Variants in UPF3A observed in about 807,000 individuals in gnomAD.
UPF3A encodes UPF3A regulator of nonsense mediated mRNA decay, also known as regulator of nonsense transcripts 3A.
UPF3A carries 42 observed loss-of-function variants against 53.5 expected under a neutral mutation model. The ratio of observed to expected loss-of-function variants is 0.78; its 90% CI spans 0.61 to 1.01. The LOEUF is 1.01. Ranked by LOEUF, UPF3A falls within the 50% of genes least tolerant of loss-of-function variation. The probability of loss-of-function intolerance (pLI) is 0.00; values close to 1 mark genes in which losing one functional copy is unlikely to be tolerated. For missense variants in UPF3A, 575 were observed against 598.0 expected (o/e 0.96, Z 0.40); for synonymous variants, 237 against 225.3 (o/e 1.05, Z -0.47).
At chr13:114,298,483 T>A (rs541800213) in intron 7 of UPF3A, among the ~76,000 whole-genome samples, 6 of 152,196 alleles carry the variant, frequency 3.9e-5, no homozygotes, top group Admixed American at 1.3e-4. Flanking sequence ...GAGGCTGCAG[T>A]GAGCCGGGAG....
At chr13:114,295,267 G>A (rs1347367309) in intron 7 of UPF3A, among the ~76,000 whole-genome samples, 1 of 152,202 alleles carries the variant, frequency 6.6e-6, no homozygotes, top group Non-Finnish European at 1.5e-5. Context: ...CATGCGCTCC[G>A]CTTGGCCTCC....
In UPF3A at chr13:114,304,886, C is replaced by G. The variant is rs369708380; in HGVS notation, c.1400C>G (p.Thr467Ser). The G allele has an allele frequency of 5.0e-6, 8 of 1,613,576 alleles. No individual in the cohort carries two copies. The highest frequency in any genetic ancestry group is 6.8e-6 in the Non-Finnish European group (8 of 1,179,758). The change falls in exon 10 of 10, where the codon ACT (threonine) becomes AGT (serine). Residue 467 changes from threonine (T) to serine (S), a missense_variant. By Grantham distance (58) the Thr-to-Ser change is moderately conservative. Transcript: ENST00000375299. ...RRICKAEGSG[T>S]GPEKREEAE ...ATCTGCAAGGCAGAAGGTTCGGGGACTGGTCCTGAGAAGAGGGAAGAGGCA... is the reference window on the plus strand; with the variant it reads ...ATCTGCAAGGCAGAAGGTTCGGGGAGTGGTCCTGAGAAGAGGGAAGAGGCA...
At position 114,305,170 on chromosome 13, in the gene UPF3A, A is replaced by G; in HGVS notation, c.*253A>G. The G allele has an allele frequency of 2.3e-6, 1 of 427,114 alleles. No individual in the cohort carries two copies. The highest frequency in any genetic ancestry group is 4.4e-6 in the Non-Finnish European group (1 of 227,474). 26.5% of individuals were successfully genotyped at this position (427,114 alleles called of 1,614,324 possible). Reference sequence around the variant, plus strand: ...ATTTGTTGTTTAGCCAAAACAGAAAATGATTTCCACTGGACAGTAGAAAAA... The same window carrying G: ...ATTTGTTGTTTAGCCAAAACAGAAAGTGATTTCCACTGGACAGTAGAAAAA... On this transcript the variant is annotated 3_prime_UTR_variant, in exon 10 of 10. Transcript: ENST00000375299.
At position 114,286,589 on chromosome 13, in the gene UPF3A, T is replaced by A. The variant is rs144763337; in HGVS notation, c.591T>A (p.Thr197=). The A allele has an allele frequency of 2.0e-5, 33 of 1,613,808 alleles. No homozygotes were observed. The highest frequency in any genetic ancestry group is 2.5e-5 in the Non-Finnish European group (30 of 1,179,840). Residue 197 remains threonine (T), a synonymous_variant, in exon 5 of 10, where the codon ACT becomes ACA. Coordinates refer to ENST00000375299, the MANE Select transcript of UPF3A (RefSeq NM_023011.4). Reference sequence around the variant, plus strand: ...AGAAGACCAGTGCCAACCCTGAGACTCTGCTGGGGGAGATGGAGGCGAAGA... The same window carrying A: ...AGAAGACCAGTGCCAACCCTGAGACACTGCTGGGGGAGATGGAGGCGAAGA... ...EEEKTSANPE[T]LLGEMEAKTR...
At chr13:114,302,602 G>C (rs1385047514) in intron 9 of UPF3A, among the ~76,000 whole-genome samples, 1 of 152,172 alleles carries the variant, frequency 6.6e-6, no homozygotes, top group Non-Finnish European at 1.5e-5. Flanking sequence ...GCTGCCTAGG[G>C]TTCCAGTTCC....
chr13:114,286,864 GTT>G, intron 5 of UPF3A: 1 of 509,532 alleles, frequency 2.0e-6, no homozygotes, highest in Non-Finnish European at 3.5e-6. Flanking sequence ...ATCATTTTAA[GTT>G]ATGATGCTTC....
intron 9 of UPF3A, among the ~76,000 whole-genome samples, chr13:114,304,581 C>T (rs1426885264): frequency 6.6e-6 from 1 of 152,140 alleles, no homozygotes; most frequent in Non-Finnish European, 1.5e-5. Context: ...ATAACATTTG[C>T]CCAGATAACC....
chr13:114,286,471 T>C (rs1279557155), intron 4 of UPF3A, 48 bp from the exon 5 acceptor site: 2 of 1,610,396 alleles, frequency 1.2e-6, no homozygotes, highest in South Asian at 2.2e-5. Flanking sequence ...AATTCTCCCG[T>C]AGTTGGGAAA....
rs2084693336 is a variant in UPF3A at position 114,286,404 on chromosome 13, A to T, written c.520+4A>T. 2 of 1,613,292 alleles carry T rather than the reference A, an allele frequency of 1.2e-6. No homozygotes were observed. The highest frequency in any genetic ancestry group is 1.7e-6 in the Non-Finnish European group (2 of 1,180,040). On this transcript the variant is annotated splice_donor_region_variant and intron_variant, in intron 4 of 9. Coordinates refer to ENST00000375299, the MANE Select transcript of UPF3A (RefSeq NM_023011.4). Reference sequence around the variant, plus strand: ...AAGACTGGAAGCATCGAAGATGGTGAGCCCTTTCCAAGTGCTACGTTATGA... The same window carrying T: ...AAGACTGGAAGCATCGAAGATGGTGTGCCCTTTCCAAGTGCTACGTTATGA...
chr13:114,300,634 G>T (rs759899911), intron 8 of UPF3A, among the ~76,000 whole-genome samples: 10 of 151,982 alleles, frequency 6.6e-5, no homozygotes, highest in Non-Finnish European at 1.2e-4. Context: ...CTGCCTCCTG[G>T]GTTCGTGCAA....
chr13:114,283,154 C>A, intron 3 of UPF3A: 1 of 432,898 alleles, frequency 2.3e-6, no homozygotes. Context: ...TAGCAGGGAC[C>A]ACAGGCGTGT....
At chr13:114,289,678 G>C (rs985582128) in intron 5 of UPF3A, among the ~76,000 whole-genome samples, 1 of 152,228 alleles carries the variant, frequency 6.6e-6, no homozygotes, top group Non-Finnish European at 1.5e-5. Context: ...CTCTGGAGTT[G>C]TTGAGTTAGT....
At position 114,301,842 on chromosome 13, in the gene UPF3A, C is replaced by A. The variant is rs200728824; in HGVS notation, c.1119C>A (p.His373Gln). ...VDDGRRHRAH[H>Q]EPERLSRRSE... ...ACGGCAGGAGGCACAGAGCTCACCA[C>A]GAGCCTGAACGGCTTTCCAGAAGGA... Residue 373 changes from histidine to glutamine, a missense_variant, in exon 9 of 10, where the codon CAC (histidine) becomes CAA (glutamine). Physicochemically the swap from His to Gln is conservative, Grantham distance 24 (BLOSUM62 0). This residue lies in a region of UPF3A where 323 missense variants were observed against 415.2 expected (regional missense o/e 0.78). Transcript: ENST00000375299. The A allele has an allele frequency of 6.2e-7, 1 of 1,613,370 alleles. No homozygotes were observed. The highest frequency in any genetic ancestry group is 2.2e-5 in the East Asian group (1 of 44,864).
intron 5 of UPF3A, among the ~76,000 whole-genome samples, chr13:114,290,702 T>C (rs547651101): frequency 2.0e-5 from 3 of 152,090 alleles, no homozygotes; most frequent in African/African-American, 7.2e-5. Context: ...CAGCGCCATA[T>C]GGAGTCATTT....
chr13:114,294,281 G>GGC (rs1555372474), intron 7 of UPF3A, among the ~76,000 whole-genome samples: 23 of 151,120 alleles, frequency 1.5e-4, no homozygotes, highest in African/African-American at 2.2e-4. Flanking sequence ...GGTGGGGGGG[G>GGC]GGTTTGAGAC....
intron 8 of UPF3A, 82 bp downstream of exon 8, chr13:114,299,082 C>T: frequency 7.3e-7 from 1 of 1,363,590 alleles, no homozygotes. Context: ...ATGCCTATTT[C>T]ACACTGTTCT....
At chr13:114,293,685 T>C (rs532642766) in intron 7 of UPF3A, among the ~76,000 whole-genome samples, 3 of 152,292 alleles carry the variant, frequency 2.0e-5, no homozygotes, top group African/African-American at 7.2e-5. Flanking sequence ...TTATTATTTA[T>C]TGAATACCTT....
intron 7 of UPF3A, among the ~76,000 whole-genome samples, chr13:114,294,423 A>G (rs2085631322): frequency 1.3e-5 from 2 of 151,924 alleles, no homozygotes; most frequent in African/African-American, 2.4e-5. Context: ...ATACCTGAAT[A>G]GCTAATTTAA....
chr13:114,292,326 G>C (rs1487598300), intron 7 of UPF3A, among the ~76,000 whole-genome samples: 1 of 150,474 alleles, frequency 6.6e-6, no homozygotes, highest in Non-Finnish European at 1.5e-5. Context: ...TACACGTGCA[G>C]ATGTGTCACA....
Sources: allele counts gnomAD v4.1 joint callset (sites outside exome capture counted in the v4.1 genomes callset), GRCh38; gene constraint gnomAD v4.1.1; regional missense constraint gnomAD v4.1.1; transcripts MANE v1.5; gene names NCBI Gene and HGNC (gene_info 2026-07-23, HGNC 2026-07-21).